SLCO1B3: variants seen among roughly 807,000 people sequenced by gnomAD.
The protein encoded by SLCO1B3 is liver-specific organic anion transporter 2.
SLCO1B3 carries 72 observed loss-of-function variants against 71.8 expected under a neutral mutation model. The ratio of observed to expected loss-of-function variants is 1.00; its 90% CI spans 0.83 to 1.22. SLCO1B3 has a LOEUF of 1.22. SLCO1B3 is among the 50% of genes most tolerant of loss of function. The probability of loss-of-function intolerance (pLI) is 0.00; values close to 1 mark genes in which losing one functional copy is unlikely to be tolerated. For missense variants in SLCO1B3, 911 were observed against 819.7 expected, an observed-to-expected ratio of 1.11 and a Z score of -1.36; for synonymous variants, 298 against 278.4, an observed-to-expected ratio of 1.07 and a Z score of -0.70.
chr12:20,900,257 T>G (rs1213053203), intron 14 of SLCO1B3, among the ~76,000 whole-genome samples: 3 of 152,162 alleles, frequency 2.0e-5, no homozygotes, highest in Non-Finnish European at 4.4e-5. Context: ...TTTCTCAGTC[T>G]CAGAAAATTG....
chr12:20,915,688 C>T (rs1423744287), intron 15 of SLCO1B3, among the ~76,000 whole-genome samples: 3 of 152,162 alleles, frequency 2.0e-5, no homozygotes, highest in Non-Finnish European at 4.4e-5. Flanking sequence ...GAACTTCAAA[C>T]TTGCTTCTCA....
intron 13 of SLCO1B3, among the ~76,000 whole-genome samples, chr12:20,893,921 A>T (rs1006515641): frequency 2.0e-5 from 3 of 152,170 alleles, no homozygotes; most frequent in East Asian, 3.9e-4. Context: ...GAACTTTTTT[A>T]AAAAACTGCA....
At chr12:20,869,198 T>TGA (rs1865431824) in intron 8 of SLCO1B3, among the ~76,000 whole-genome samples, 2 of 151,600 alleles carry the variant, frequency 1.3e-5, no homozygotes, top group Non-Finnish European at 2.9e-5. Flanking sequence ...TGACACTTCT[T>TGA]GCTACCGCTA....
intron 15 of SLCO1B3, among the ~76,000 whole-genome samples, chr12:20,911,594 T>C (rs779922643): frequency 6.6e-6 from 1 of 152,206 alleles, no homozygotes; most frequent in Admixed American, 6.5e-5. Context: ...TAGAAGGTTA[T>C]TATCAATTCA....
chr12:20,901,629 T>G (rs1157648794), intron 15 of SLCO1B3, among the ~76,000 whole-genome samples, 162 bp downstream of exon 15: 1 of 152,232 alleles, frequency 6.6e-6, no homozygotes, highest in African/African-American at 2.4e-5. Flanking sequence ...GTATCTCATT[T>G]TAATACTCAT....
intron 12 of SLCO1B3, among the ~76,000 whole-genome samples, chr12:20,882,834 T>C (rs1865718281): frequency 6.6e-6 from 1 of 152,172 alleles, no homozygotes; most frequent in Non-Finnish European, 1.5e-5. Flanking sequence ...GCCTGCCTGA[T>C]CTCTAAAATT....
At chr12:20,891,435 C>G (rs752390665) in intron 13 of SLCO1B3, among the ~76,000 whole-genome samples, 2 of 151,964 alleles carry the variant, frequency 1.3e-5, no homozygotes, top group Non-Finnish European at 2.9e-5. Context: ...AGATACCTCT[C>G]TCTTGCCACG....
chr12:20,843,960 A>G lies in SLCO1B3; in HGVS notation c.85-11068A>G, dbSNP rs79455051. Among the ~76,000 whole-genome samples the G allele has an allele frequency of 5.5e-3, 837 of 152,114 alleles. 13 individuals carry two copies. The highest frequency in any genetic ancestry group is 0.02 in the African/African-American group (818 of 41,484). Reference sequence around the variant, plus strand: ...GCTGGGTGTTCAACAGGCACTCTCAATCTGAGGTTTTCACATTTTTGTTGA... The same window carrying G: ...GCTGGGTGTTCAACAGGCACTCTCAGTCTGAGGTTTTCACATTTTTGTTGA... On this transcript the variant is annotated intron_variant, in intron 3 of 15. Transcript: ENST00000381545.
chr12:20,870,209 A>G (rs1865451627), intron 8 of SLCO1B3, among the ~76,000 whole-genome samples: 1 of 152,028 alleles, frequency 6.6e-6, no homozygotes, highest in African/African-American at 2.4e-5. Context: ...AGTTGTAGGA[A>G]TTTTTTGTAC....
rs36075263 is a variant in SLCO1B3 at position 20,909,332 on chromosome 12, A to AT, written c.1866-6658dup. On this transcript the variant is annotated intron_variant, in intron 15 of 15. Transcript: ENST00000381545. ...AGGCACCCACCACCACGCCTGGCTA[A>AT]TTTTTTTTTTTTTTGTATTTTTAGT... 4.2e-3 allele frequency among the ~76,000 whole-genome samples: 589 copies of AT among 138,778 alleles called. 4 individuals carry two copies. The highest frequency in any genetic ancestry group is 0.013 in the East Asian group (59 of 4,674). 91.0% of individuals were successfully genotyped at this position (138,778 alleles called of 152,430 possible).
intron 3 of SLCO1B3, among the ~76,000 whole-genome samples, chr12:20,837,972 C>T (rs1399933): frequency 0.53 from 80,613 of 151,778 alleles, 24,114 homozygotes; most frequent in South Asian, 0.77. Context: ...CCTTGCAGTT[C>T]TACCAGTTTT....
Position 20,898,377 on chromosome 12 carries a change from T to C in SLCO1B3, c.1683-59T>C, listed in dbSNP as rs576651949. ...AATGATGCTGATAAATGTTTTGATA[T>C]TAACTCAGTTTGATTTTTTAATGAC... is the stretch of plus-strand genomic sequence containing the variant. On this transcript the variant is annotated intron_variant, in intron 13 of 15. Coordinates refer to ENST00000381545, the MANE Select transcript of SLCO1B3 (RefSeq NM_019844.4). The C allele has an allele frequency of 6.2e-5, 65 of 1,046,630 alleles. No individual in the cohort carries two copies. In the African/African-American group the frequency reaches 9.6e-4, roughly 16 times the overall value. The allele number at this position is 1,046,630 out of a possible 1,614,324, so 64.8% of individuals were successfully genotyped here.
intron 15 of SLCO1B3, among the ~76,000 whole-genome samples, chr12:20,904,524 G>A (rs1028206905): frequency 6.6e-6 from 1 of 152,152 alleles, no homozygotes. Context: ...GCTTTCATGG[G>A]CTGGTACTGA....
intron 3 of SLCO1B3, among the ~76,000 whole-genome samples, chr12:20,839,253 AGT>A (rs1271768969): frequency 5.3e-5 from 8 of 152,140 alleles, no homozygotes; most frequent in Middle Eastern, 3.4e-3. Context: ...TATTTTCTGC[AGT>A]GTCTCTCTGT....
intron 3 of SLCO1B3, among the ~76,000 whole-genome samples, chr12:20,847,634 G>T (rs1175455664): frequency 6.6e-6 from 1 of 151,908 alleles, no homozygotes; most frequent in Non-Finnish European, 1.5e-5. Context: ...CCTTAAGCAG[G>T]CAGAATACAG....
At position 20,833,887 on chromosome 12, in the gene SLCO1B3, C is replaced by T. The variant is rs1591750920; in HGVS notation, c.84+18065C>T. ...ATATACTATATATAGTGTATGTATACAATATATATATTCATGTATATATAG... is the reference window on the plus strand; with the variant it reads ...ATATACTATATATAGTGTATGTATATAATATATATATTCATGTATATATAG... On this transcript the variant is annotated intron_variant, in intron 3 of 15. Transcript: ENST00000381545. Among the ~76,000 whole-genome samples, 5 of 101,188 alleles carry T rather than the reference C, an allele frequency of 4.9e-5. No individual in the cohort carries two copies. In the South Asian group the frequency reaches 1.8e-3, roughly 37 times the overall value. 66.4% of individuals were successfully genotyped at this position (101,188 alleles called of 152,430 possible). A position where few individuals can be genotyped will look rare whatever the true frequency, so the allele number is the denominator to read the frequency against.
At chr12:20,852,503 G>A (rs1865045678) in intron 3 of SLCO1B3, among the ~76,000 whole-genome samples, 1 of 151,920 alleles carries the variant, frequency 6.6e-6, no homozygotes, top group African/African-American at 2.4e-5. Flanking sequence ...AAAATTAAAT[G>A]GCATTGAAAT....
chr12:20,872,508 C>T (rs1268029423), intron 8 of SLCO1B3, among the ~76,000 whole-genome samples: 4 of 151,980 alleles, frequency 2.6e-5, no homozygotes, highest in Non-Finnish European at 5.9e-5. Context: ...GAGTCTTTCA[C>T]CGCAACCACC....
intron 3 of SLCO1B3, among the ~76,000 whole-genome samples, chr12:20,831,356 C>CTCAAA: frequency 1.1e-5 from 1 of 91,212 alleles, no homozygotes; most frequent in Non-Finnish European, 2.1e-5. Flanking sequence ...GACGCCATAT[C>CTCAAA]AAAAAAAAAA....
Sources: allele counts gnomAD v4.1 joint callset (sites outside exome capture counted in the v4.1 genomes callset), GRCh38; gene constraint gnomAD v4.1.1; transcripts MANE v1.5; gene names NCBI Gene and HGNC (gene_info 2026-07-23, HGNC 2026-07-21).